The following TPCN1 variants were observed in gnomAD, a reference collection of about 807,000 sequenced individuals.
TPCN1 encodes two pore segment channel 1, also known as two pore channel protein 1.
Under a neutral mutation model 108.8 loss-of-function variants are expected in TPCN1, and 52 were observed. The ratio of observed to expected loss-of-function variants is 0.48; its 90% CI spans 0.38 to 0.60. TPCN1 has a LOEUF of 0.60. Among genes scored for constraint, TPCN1 ranks in the 20% least tolerant of loss-of-function variants. The pLI, the probability that TPCN1 is intolerant of heterozygous loss-of-function variation, is 0.00. For synonymous variants in TPCN1, 446 were observed against 433.7 expected (o/e 1.03, Z -0.35); for missense variants, 806 against 1,072.8 (o/e 0.75, Z 3.47).
chr12:113,257,728 T>C (rs1277913365), intron 2 of TPCN1, among the ~76,000 whole-genome samples: 1 of 152,168 alleles, frequency 6.6e-6, no homozygotes, highest in Non-Finnish European at 1.5e-5. Context: ...CATAGCAACT[T>C]TGAAATAACC....
At chr12:113,223,788 C>T (rs1953363655) in intron 1 of TPCN1, among the ~76,000 whole-genome samples, 1 of 152,222 alleles carries the variant, frequency 6.6e-6, no homozygotes, top group African/African-American at 2.4e-5. Context: ...AAGCGATCCA[C>T]CTGCCTCGGC....
chr12:113,223,162 C>T (rs1953321569), intron 1 of TPCN1, among the ~76,000 whole-genome samples: 1 of 152,172 alleles, frequency 6.6e-6, no homozygotes, highest in South Asian at 2.1e-4. Flanking sequence ...AAAAAACTCA[C>T]AGGAAGTGTG....
At chr12:113,224,395 T>TATC (rs1953391958) in intron 1 of TPCN1, among the ~76,000 whole-genome samples, 2 of 152,326 alleles carry the variant, frequency 1.3e-5, no homozygotes, top group African/African-American at 4.8e-5. Flanking sequence ...GAGTATTAAC[T>TATC]ATTATTATTA....
At position 113,288,636 on chromosome 12, in the gene TPCN1, G is replaced by A. The variant is rs1233057619; in HGVS notation, c.1707-122G>A. On this transcript the variant is annotated intron_variant, in intron 20 of 27. Coordinates refer to ENST00000335509, the MANE Select transcript of TPCN1 (RefSeq NM_017901.6). The surrounding 1 kb of genome is among the most constrained non-coding windows in gnomAD (Gnocchi z 4.8). Reference sequence around the variant, plus strand: ...GCCCCTTCCCCGCAGGCACTTTCCAGTTGGTGAACCGACCAGGGGCATGGC... The same window carrying A: ...GCCCCTTCCCCGCAGGCACTTTCCAATTGGTGAACCGACCAGGGGCATGGC... 6.5e-7 allele frequency: 1 copy of A among 1,536,888 alleles called. No individual in the cohort carries two copies. Among genetic ancestry groups the A allele is most frequent in the East Asian group, 2.3e-5 (1 of 44,122 alleles).
Position 113,288,144 on chromosome 12 carries a change from G to C in TPCN1, c.1635-19G>C. ...GCGTGCACCTGTGTGTGGAGGTGAC[G>C]GGTGTCCTCCTCGCTCAGGTTGTTT... On this transcript the variant is annotated intron_variant, in intron 19 of 27. Coordinates refer to ENST00000335509, the MANE Select transcript of TPCN1 (RefSeq NM_017901.6). This position sits in a 1 kb window ranked among gnomAD's most constrained non-coding sequence, Gnocchi z 4.8. 1 of 1,606,976 alleles carries C rather than the reference G, an allele frequency of 6.2e-7. No homozygotes were observed. Among genetic ancestry groups the C allele is most frequent in the African/African-American group, 1.3e-5 (1 of 74,952 alleles).
intron 19 of TPCN1, chr12:113,287,300 G>C: frequency 3.5e-6 from 2 of 573,208 alleles, no homozygotes; most frequent in Non-Finnish European, 6.2e-6. Context: ...CACTGCACCA[G>C]GTGCCTCTGG....
At chr12:113,235,985 G>T (rs901066850) in intron 2 of TPCN1, among the ~76,000 whole-genome samples, 1 of 152,180 alleles carries the variant, frequency 6.6e-6, no homozygotes, top group African/African-American at 2.4e-5. Flanking sequence ...CAGAGGGTTG[G>T]GGAGAAAGGT....
At position 113,234,420 on chromosome 12, in the gene TPCN1, G is replaced by A. The variant is rs146639627; in HGVS notation, c.112+7456G>A. ...CATGAGGTTAGACTCTCAAGGCCAG[G>A]TGGGCTTGCTGAGGGCAGTGATCCT... On this transcript the variant is annotated intron_variant, in intron 2 of 27. Coordinates refer to ENST00000335509, the MANE Select transcript of TPCN1 (RefSeq NM_017901.6). Among the ~76,000 whole-genome samples the A allele has an allele frequency of 5.1e-3, 784 of 152,332 alleles. 11 individuals are homozygous for A. Among genetic ancestry groups the A allele is most frequent in the African/African-American group, 0.018 (743 of 41,564 alleles).
chr12:113,245,876 A>G (rs1015812912), intron 2 of TPCN1: 5 of 444,860 alleles, frequency 1.1e-5, no homozygotes, highest in Admixed American at 7.2e-5. Flanking sequence ...TATAGCTGGC[A>G]TATGGAAACT....
chr12:113,288,693 C>T lies in TPCN1; in HGVS notation c.1707-65C>T, dbSNP rs190757050. On this transcript the variant is annotated intron_variant, in intron 20 of 27. Transcript: ENST00000335509. This position sits in a 1 kb window ranked among gnomAD's most constrained non-coding sequence, Gnocchi z 4.8. The stretch of plus-strand genomic sequence containing the variant: ...GTCAGCCCCACGGGTCCGAGGAGGC[C>T]GGGGCTGCAGAGGAGCCGTTCCCTC... 492 of 1,596,322 alleles carry T rather than the reference C, an allele frequency of 3.1e-4. 2 individuals carry two copies. The African/African-American group carries it at 5.6e-3, about 18-fold the overall frequency.
At chr12:113,252,228 C>A (rs1954665898) in intron 2 of TPCN1, among the ~76,000 whole-genome samples, 3 of 152,148 alleles carry the variant, frequency 2.0e-5, no homozygotes, top group Admixed American at 2.0e-4. Flanking sequence ...CAAAGGTTAC[C>A]TGCTCCCAGG....
chr12:113,293,163 A>G, intron 26 of TPCN1, 90 bp downstream of exon 26: 1 of 1,603,120 alleles, frequency 6.2e-7, no homozygotes, highest in Non-Finnish European at 8.5e-7. Context: ...TAACATTTTG[A>G]GTGACACAGT....
chr12:113,233,407 A>G (rs1953766735), intron 2 of TPCN1, among the ~76,000 whole-genome samples: 1 of 152,234 alleles, frequency 6.6e-6, no homozygotes, highest in African/African-American at 2.4e-5. Flanking sequence ...GATGGCTCAC[A>G]GCAGCGTGCC....
At position 113,288,911 on chromosome 12, in the gene TPCN1, A is replaced by G. The variant is rs1036905647; in HGVS notation, c.1796+64A>G. On this transcript the variant is annotated intron_variant, in intron 21 of 27. Transcript: ENST00000335509. The surrounding 1 kb of genome is among the most constrained non-coding windows in gnomAD (Gnocchi z 4.8). ...CCCGGGCAGAGGGCTGGCCAGGGCC[A>G]GGATTGGTGTCCTTGTGGCCTTGGG... The G allele has an allele frequency of 2.0e-6, 3 of 1,535,692 alleles. No individual in the cohort carries two copies. The African/African-American group carries it at 4.1e-5, about 21-fold the overall frequency.
In TPCN1 at chr12:113,296,098, C is replaced by T. The variant is rs762721315; in HGVS notation, c.*22C>T. On this transcript the variant is annotated 3_prime_UTR_variant, in exon 28 of 28. Coordinates refer to ENST00000335509, the MANE Select transcript of TPCN1 (RefSeq NM_017901.6). ...CTAGCCCAGCGCCCGAAAGCCGTCT[C>T]TTCTATGCAATAACACAATAGTATT... 78 of 1,611,004 alleles carry T rather than the reference C, an allele frequency of 4.8e-5. 1 individual carries two copies. The South Asian group carries it at 7.6e-4, about 16-fold the overall frequency.
rs570479546 is a variant in TPCN1 at position 113,294,362 on chromosome 12, C to T, written c.2334+1013C>T. On this transcript the variant is annotated intron_variant, in intron 27 of 27. Transcript: ENST00000335509. ...AAAAGGCAGGCCAGGCATGGTGGCT[C>T]ATGCCTGTAATCCCAGCACTTTGGG... The T allele has an allele frequency of 1.8e-4, 28 of 152,302 alleles. 1 individual carries two copies. Among genetic ancestry groups the T allele is most frequent in the African/African-American group, 6.3e-4 (26 of 41,554 alleles). 9.4% of individuals were successfully genotyped at this position (152,302 alleles called of 1,614,324 possible).
chr12:113,296,386 C>T lies in TPCN1; in HGVS notation c.*310C>T. The T allele has an allele frequency of 2.9e-6, 1 of 343,928 alleles. No individual in the cohort carries two copies. Among genetic ancestry groups the T allele is most frequent in the South Asian group, 7.1e-5 (1 of 14,024 alleles). The allele number at this position is 343,928 out of a possible 1,614,324, so 21.3% of individuals were successfully genotyped here. A position where few individuals can be genotyped will look rare whatever the true frequency, so the allele number is the denominator to read the frequency against. On this transcript the variant is annotated 3_prime_UTR_variant, in exon 28 of 28. Coordinates refer to ENST00000335509, the MANE Select transcript of TPCN1 (RefSeq NM_017901.6). Reference sequence around the variant, plus strand: ...ATCCAGTCGACTGCGGGGCTTGCCCCTCATGTGGGCTGGCCTCCATCGGCC... The same window carrying T: ...ATCCAGTCGACTGCGGGGCTTGCCCTTCATGTGGGCTGGCCTCCATCGGCC...
chr12:113,271,618 G>C (rs1400904143), intron 7 of TPCN1, among the ~76,000 whole-genome samples: 1 of 152,228 alleles, frequency 6.6e-6, no homozygotes, highest in Non-Finnish European at 1.5e-5. Flanking sequence ...TGTAGATGCT[G>C]TTTATTCATT....
Position 113,232,998 on chromosome 12 carries a change from T to C in TPCN1, c.112+6034T>C, listed in dbSNP as rs116585086. On this transcript the variant is annotated intron_variant, in intron 2 of 27. Transcript: ENST00000335509. This position sits in a 1 kb window ranked among gnomAD's most constrained non-coding sequence, Gnocchi z 5.6. ...CTCCGCTGGAGTCATTCCCCTGGCTTTTTCAGGGCCTCACCAAGGCAGAGC... is the reference window on the plus strand; with the variant it reads ...CTCCGCTGGAGTCATTCCCCTGGCTCTTTCAGGGCCTCACCAAGGCAGAGC... Among the ~76,000 whole-genome samples the C allele has an allele frequency of 0.017, 2,631 of 152,184 alleles. 59 individuals are homozygous for C. The highest frequency in any genetic ancestry group is 0.059 in the African/African-American group (2,460 of 41,512).
Sources: gnomAD v4.1 joint callset for allele counts (sites outside exome capture counted in the v4.1 genomes callset) on GRCh38, gnomAD v4.1.1 for gene constraint, Gnocchi (gnomAD v3.1) non-coding constraint, MANE v1.5 for transcripts, NCBI Gene and HGNC (gene_info 2026-07-23, HGNC 2026-07-21) for gene names.